RASEF: variants seen among roughly 807,000 people sequenced by gnomAD.
RASEF encodes the protein RAS and EF-hand domain containing, also known as ras and EF-hand domain-containing protein.
In RASEF, 68 loss-of-function variants were observed where a neutral mutation model predicts 90.1. The observed-to-expected ratio is 0.75, with a 90% CI of 0.62 to 0.92. The LOEUF is 0.92. RASEF is among the 40% of genes least tolerant of loss of function. The probability of loss-of-function intolerance (pLI) is 0.00; values close to 1 mark genes in which losing one functional copy is unlikely to be tolerated. For missense variants in RASEF, 949 were observed against 937.2 expected, an observed-to-expected ratio of 1.01 and a Z score of -0.16; for synonymous variants, 331 against 345.2, an observed-to-expected ratio of 0.96 and a Z score of 0.46.
intron 10 of RASEF, 142 bp from the exon 11 acceptor site, chr9:83,000,712 G>C (rs1177037739): frequency 2.2e-6 from 2 of 915,530 alleles, no homozygotes; most frequent in East Asian, 2.6e-5. Flanking sequence ...TTAGGGAATA[G>C]AGTGACACTG....
intron 16 of RASEF, among the ~76,000 whole-genome samples, chr9:82,985,577 C>T (rs904699054): frequency 4.6e-5 from 7 of 152,032 alleles, no homozygotes; most frequent in African/African-American, 1.2e-4. Flanking sequence ...TGGGGTTGGA[C>T]GCAAGAAAGT....
the RASEF span, among the ~76,000 whole-genome samples, chr9:83,182,843 C>T: frequency 6.6e-6 from 1 of 151,618 alleles, no homozygotes; most frequent in African/African-American, 2.4e-5. Context: ...CATGATATAT[C>T]CATATCATGG....
the RASEF span, among the ~76,000 whole-genome samples, chr9:83,189,791 A>T: frequency 3.3e-5 from 5 of 152,322 alleles, no homozygotes; most frequent in African/African-American, 1.2e-4. Flanking sequence ...ATGTAATTAC[A>T]TCTTTTCTAC....
chr9:82,981,680 T>G lies in RASEF; in HGVS notation c.*997A>C, dbSNP rs1828604295. ...AGTGGTTCCTAGTACATTCAAACAG[T>G]TATACAACTATCACCACTATTCCAA... On this transcript the variant is annotated 3_prime_UTR_variant, in exon 17 of 17. Coordinates refer to ENST00000376447, the MANE Select transcript of RASEF (RefSeq NM_152573.4). 6.6e-6 allele frequency: 1 copy of G among 152,186 alleles called. No homozygotes were observed. Among genetic ancestry groups the G allele is most frequent in the South Asian group, 2.1e-4 (1 of 4,834 alleles). The allele number at this position is 152,186 out of a possible 1,614,324, so 9.4% of individuals were successfully genotyped here. A position where few individuals can be genotyped will look rare whatever the true frequency, so the allele number is the denominator to read the frequency against.
At chr9:83,212,440 A>G in the RASEF span, among the ~76,000 whole-genome samples, 4 of 152,250 alleles carry the variant, frequency 2.6e-5, no homozygotes, top group South Asian at 8.3e-4. Context: ...GGAAAAGAAA[A>G]TATCTGAAGC....
the RASEF span, among the ~76,000 whole-genome samples, chr9:83,216,838 C>T: frequency 6.6e-6 from 1 of 151,954 alleles, no homozygotes; most frequent in Admixed American, 6.6e-5. Context: ...GGGCTATAGG[C>T]CCCATGTAAG....
chr9:83,195,686 G>C, the RASEF span, among the ~76,000 whole-genome samples: 1 of 152,046 alleles, frequency 6.6e-6, no homozygotes, highest in Non-Finnish European at 1.5e-5. Context: ...CTATTTTCGT[G>C]TATATATGAG....
At chr9:83,014,011 G>C (rs980153243) in intron 4 of RASEF, among the ~76,000 whole-genome samples, 8 of 152,276 alleles carry the variant, frequency 5.3e-5, no homozygotes, top group Admixed American at 2.6e-4. Context: ...CAGACCACTT[G>C]GGCCTCATCA....
At chr9:82,998,335 A>C (rs1828958637) in intron 13 of RASEF, 30 bp downstream of exon 13, 1 of 1,465,178 alleles carries the variant, frequency 6.8e-7, no homozygotes. Context: ...CAAACCCAGG[A>C]TATCCCATAG....
At chr9:83,063,653 T>G (rs1253940671), upstream of RASEF, among the ~76,000 whole-genome samples, 2 of 152,214 alleles carry the variant, frequency 1.3e-5, no homozygotes, top group African/African-American at 4.8e-5. Context: ...TTCTCAATCC[T>G]TGTCTCCAAA....
chr9:83,110,584 A>G, the RASEF span, among the ~76,000 whole-genome samples: 5 of 152,194 alleles, frequency 3.3e-5, no homozygotes, highest in Admixed American at 6.5e-5. Flanking sequence ...ACAAGCTATG[A>G]GGCCCAGAGT....
chr9:83,165,858 T>G, the RASEF span, among the ~76,000 whole-genome samples: 4 of 152,012 alleles, frequency 2.6e-5, no homozygotes, highest in African/African-American at 9.7e-5. Flanking sequence ...AAAAGGATAA[T>G]CAATAAATAC....
At chr9:83,213,805 T>A in the RASEF span, among the ~76,000 whole-genome samples, 1 of 152,244 alleles carries the variant, frequency 6.6e-6, no homozygotes, top group African/African-American at 2.4e-5. Flanking sequence ...TCAATCTAAT[T>A]TGATCTAAAC....
intron 15 of RASEF, 78 bp downstream of exon 15, chr9:82,992,828 A>G: frequency 2.7e-6 from 4 of 1,491,872 alleles, no homozygotes; most frequent in Non-Finnish European, 3.7e-6. Flanking sequence ...GCAAAGGTAG[A>G]CAAAAGTGAA....
chr9:83,159,433 T>C, the RASEF span, among the ~76,000 whole-genome samples: 6 of 152,164 alleles, frequency 3.9e-5, no homozygotes, highest in African/African-American at 1.4e-4. Context: ...TCAGCTTTTA[T>C]GATTTGCTTT....
the RASEF span, among the ~76,000 whole-genome samples, chr9:83,177,143 T>A: frequency 6.6e-6 from 1 of 152,150 alleles, no homozygotes; most frequent in Non-Finnish European, 1.5e-5. Context: ...AATCAGTTAA[T>A]AAAAGGGGAA....
chr9:83,185,600 G>A, the RASEF span, among the ~76,000 whole-genome samples: 1 of 152,068 alleles, frequency 6.6e-6, no homozygotes, highest in Admixed American at 6.6e-5. Flanking sequence ...CCTGCAGTCT[G>A]ATGTTCCCAA....
intron 16 of RASEF, among the ~76,000 whole-genome samples, chr9:82,983,047 T>G (rs1171864943): frequency 2.0e-5 from 3 of 151,266 alleles, no homozygotes; most frequent in Non-Finnish European, 4.4e-5. Flanking sequence ...GTCACATGAC[T>G]ACAGAAGTGG....
chr9:83,085,828 G>A, the RASEF span, among the ~76,000 whole-genome samples: 2 of 152,090 alleles, frequency 1.3e-5, no homozygotes, highest in East Asian at 3.8e-4. Flanking sequence ...GGTGGGCTAA[G>A]ACAGAAGAAT....
Sources: allele counts gnomAD v4.1 joint callset (sites outside exome capture counted in the v4.1 genomes callset), GRCh38; gene constraint gnomAD v4.1.1; transcripts MANE v1.5; gene names NCBI Gene and HGNC (gene_info 2026-07-23, HGNC 2026-07-21).